Variants in CNTNAP5 observed in about 807,000 individuals in gnomAD.
The protein encoded by CNTNAP5 is contactin-associated protein-like 5.
In CNTNAP5, 72 loss-of-function variants were observed where a neutral mutation model predicts 150.2. That is an observed-to-expected ratio of 0.48 (90% CI 0.40 to 0.58). CNTNAP5 has a LOEUF of 0.58. CNTNAP5 is among the 20% of genes least tolerant of loss of function. The pLI, the probability that CNTNAP5 is intolerant of heterozygous loss-of-function variation, is 0.00. For synonymous variants in CNTNAP5, 672 were observed against 619.8 expected (o/e 1.08, Z -1.25); for missense variants, 1,636 against 1,626.2 (o/e 1.01, Z -0.10).
chr2:124,537,422 G>A (rs754050015), intron 10 of CNTNAP5, among the ~76,000 whole-genome samples: 23 of 152,124 alleles, frequency 1.5e-4, no homozygotes, highest in African/African-American at 5.1e-4. Flanking sequence ...CCCTATCCTC[G>A]CAGCTCACTG....
intron 1 of CNTNAP5, among the ~76,000 whole-genome samples, chr2:124,148,892 G>T (rs2104630002): frequency 6.6e-6 from 1 of 151,370 alleles, no homozygotes; most frequent in African/African-American, 2.4e-5. Context: ...ACACATATAT[G>T]TATGTATATA....
At chr2:124,451,077 T>TATATATATATAC (rs755084840) in intron 6 of CNTNAP5, among the ~76,000 whole-genome samples, 1 of 61,528 alleles carries the variant, frequency 1.6e-5, no homozygotes, top group Non-Finnish European at 2.7e-5. Flanking sequence ...TATATATATA[T>TATATATATATAC]ACACACACAC....
At chr2:124,160,800 G>C (rs900679042) in intron 1 of CNTNAP5, among the ~76,000 whole-genome samples, 6 of 152,114 alleles carry the variant, frequency 3.9e-5, no homozygotes, top group African/African-American at 1.4e-4. Flanking sequence ...TTGGTTCTTT[G>C]GGATTTATAA....
At chr2:124,639,139 G>C (rs60867687) in intron 12 of CNTNAP5, among the ~76,000 whole-genome samples, 1,821 of 152,248 alleles carry the variant, frequency 0.012, 29 homozygotes, top group African/African-American at 0.041. Flanking sequence ...ATATGTTAGA[G>C]ACACGGAGAT....
intron 17 of CNTNAP5, among the ~76,000 whole-genome samples, chr2:124,780,488 T>A (rs906916234): frequency 6.6e-6 from 1 of 152,216 alleles, no homozygotes; most frequent in Non-Finnish European, 1.5e-5. Flanking sequence ...TGCAGGTCCT[T>A]ATAAAGGGGA....
chr2:124,477,959 T>G (rs1693681682), intron 7 of CNTNAP5, among the ~76,000 whole-genome samples: 1 of 152,092 alleles, frequency 6.6e-6, no homozygotes, highest in Admixed American at 6.6e-5. Flanking sequence ...GCACACTCAT[T>G]GTTCATAAAC....
intron 13 of CNTNAP5, among the ~76,000 whole-genome samples, chr2:124,744,231 A>G (rs1244897957): frequency 6.6e-6 from 1 of 152,000 alleles, no homozygotes; most frequent in Admixed American, 6.6e-5. Context: ...TAAGTCTTAC[A>G]AGATCTGATG....
intron 19 of CNTNAP5, among the ~76,000 whole-genome samples, chr2:124,834,516 G>C (rs1239203208): frequency 6.6e-6 from 1 of 152,098 alleles, no homozygotes. Flanking sequence ...GGCTGTAATG[G>C]GGGGTATTGC....
chr2:124,074,888 ATT>A (rs1275080813), intron 1 of CNTNAP5, among the ~76,000 whole-genome samples: 1 of 152,042 alleles, frequency 6.6e-6, no homozygotes, highest in Non-Finnish European at 1.5e-5. Flanking sequence ...CCTAAGCCTC[ATT>A]TACTGTGAGC....
chr2:124,591,831 A>C (rs1171125447), intron 11 of CNTNAP5, among the ~76,000 whole-genome samples: 1 of 152,202 alleles, frequency 6.6e-6, no homozygotes, highest in Non-Finnish European at 1.5e-5. Context: ...GTCTTCATCA[A>C]ACAAGTCTTG....
Position 124,106,850 on chromosome 2 carries a change from C to A in CNTNAP5, c.82+81118C>A, listed in dbSNP as rs140893785. Among the ~76,000 whole-genome samples, 426 of 151,992 alleles carry A rather than the reference C, an allele frequency of 2.8e-3. 2 individuals carry two copies. Among genetic ancestry groups the A allele is most frequent in the African/African-American group, 9.6e-3 (399 of 41,468 alleles). On this transcript the variant is annotated intron_variant, in intron 1 of 23. Transcript: ENST00000682447. ...CCATCGTATGGGACTGAGTCCTTAA[C>A]CTGTGGGATCTGACACTGACTCCAG... is the stretch of plus-strand genomic sequence containing the variant.
At chr2:124,244,484 G>A (rs1252106967) in intron 3 of CNTNAP5, among the ~76,000 whole-genome samples, 2 of 152,060 alleles carry the variant, frequency 1.3e-5, no homozygotes, top group South Asian at 2.1e-4. Flanking sequence ...GTTGCTGGAT[G>A]GGCAGAGAAG....
intron 20 of CNTNAP5, among the ~76,000 whole-genome samples, chr2:124,867,704 T>C (rs1038465508): frequency 1.3e-5 from 2 of 152,202 alleles, no homozygotes; most frequent in African/African-American, 4.8e-5. Context: ...CTGCTTTTGA[T>C]CTACACTCAC....
intron 5 of CNTNAP5, among the ~76,000 whole-genome samples, chr2:124,442,956 A>ACATACG (rs1322760544): frequency 1.3e-5 from 2 of 152,170 alleles, no homozygotes; most frequent in African/African-American, 4.8e-5. Flanking sequence ...GTTGTTGGCA[A>ACATACG]GCCTGTGGTA....
intron 4 of CNTNAP5, among the ~76,000 whole-genome samples, chr2:124,425,626 C>T (rs1038010114): frequency 2.1e-5 from 3 of 139,672 alleles, no homozygotes. Context: ...TCCCAGCTTG[C>T]TCCTTAGAGT....
chr2:124,162,949 A>G (rs892062098), intron 1 of CNTNAP5, among the ~76,000 whole-genome samples: 16 of 152,088 alleles, frequency 1.1e-4, no homozygotes, highest in African/African-American at 3.4e-4. Context: ...TTTGAAAGAA[A>G]TTTTCTCTAA....
At chr2:124,687,933 C>T (rs1055965693) in intron 13 of CNTNAP5, among the ~76,000 whole-genome samples, 1 of 151,986 alleles carries the variant, frequency 6.6e-6, no homozygotes, top group African/African-American at 2.4e-5. Flanking sequence ...AGAATTTATT[C>T]AAGTACATTT....
intron 11 of CNTNAP5, among the ~76,000 whole-genome samples, chr2:124,593,279 TC>T (rs71387237): frequency 8.0e-6 from 1 of 125,634 alleles, no homozygotes; most frequent in South Asian, 3.0e-4. Context: ...ATGCTATCCC[TC>T]CCCCCTCCCA....
intron 1 of CNTNAP5, among the ~76,000 whole-genome samples, chr2:124,207,682 T>C (rs1246194261): frequency 6.6e-6 from 1 of 152,204 alleles, no homozygotes; most frequent in African/African-American, 2.4e-5. Flanking sequence ...TGCTTTCCGG[T>C]ATGTCTTTTC....
Sources: allele counts gnomAD v4.1 joint callset (sites outside exome capture counted in the v4.1 genomes callset), GRCh38; gene constraint gnomAD v4.1.1; transcripts MANE v1.5; gene names NCBI Gene and HGNC (gene_info 2026-07-23, HGNC 2026-07-21).